NTM: variants seen among roughly 807,000 people sequenced by gnomAD.
NTM encodes the protein IgLON family member 2.
In NTM, 13 loss-of-function variants were observed where a neutral mutation model predicts 42.1. The observed-to-expected ratio is 0.31, with a 90% CI of 0.20 to 0.49. The LOEUF (loss-of-function observed/expected upper bound fraction) is 0.49. Among genes scored for constraint, NTM ranks in the 20% least tolerant of loss-of-function variants. The pLI, the probability that NTM is intolerant of heterozygous loss-of-function variation, is 0.99. For missense variants in NTM, 373 were observed against 452.8 expected (o/e 0.82, Z 1.60); for synonymous variants, 187 against 179.2 (o/e 1.04, Z -0.35).
At chr11:131,854,276 G>A (rs1161047683) in intron 1 of NTM, among the ~76,000 whole-genome samples, 1 of 152,188 alleles carries the variant, frequency 6.6e-6, no homozygotes, top group Non-Finnish European at 1.5e-5. Flanking sequence ...AAAGACATAC[G>A]AGTTTCTTCC....
chr11:132,176,340 A>G (rs1305640784), intron 3 of NTM, among the ~76,000 whole-genome samples: 1 of 147,338 alleles, frequency 6.8e-6, no homozygotes, highest in Non-Finnish European at 1.5e-5. Flanking sequence ...TTATGGATAT[A>G]GAAGCAACTT....
At chr11:131,371,317 A>G (rs528174008) in intron 1 of NTM, among the ~76,000 whole-genome samples, 1 of 152,342 alleles carries the variant, frequency 6.6e-6, no homozygotes, top group African/African-American at 2.4e-5. Context: ...GCGAACTTGC[A>G]AAGCTTTTAA....
At chr11:131,547,120 C>T (rs1231053014) in intron 1 of NTM, among the ~76,000 whole-genome samples, 1 of 152,282 alleles carries the variant, frequency 6.6e-6, no homozygotes, top group East Asian at 1.9e-4. Flanking sequence ...GATGTTATTT[C>T]AGCCATGACC....
At chr11:131,456,009 T>G (rs1387830851) in intron 1 of NTM, among the ~76,000 whole-genome samples, 3 of 152,356 alleles carry the variant, frequency 2.0e-5, no homozygotes. Context: ...TCATTGGCAC[T>G]AGCAAAGTCT....
intron 2 of NTM, among the ~76,000 whole-genome samples, chr11:131,968,793 C>T (rs904817425): frequency 5.3e-5 from 8 of 152,164 alleles, no homozygotes; most frequent in African/African-American, 1.9e-4. Context: ...TCGTATAGAG[C>T]TTTTAGGCAA....
intron 2 of NTM, among the ~76,000 whole-genome samples, chr11:132,090,646 G>A (rs1385569374): frequency 6.6e-6 from 1 of 151,944 alleles, no homozygotes; most frequent in East Asian, 1.9e-4. Flanking sequence ...CTCCTTGAAT[G>A]CCCTACTTTT....
At chr11:132,230,767 T>C (rs1366013572) in intron 4 of NTM, among the ~76,000 whole-genome samples, 3 of 152,128 alleles carry the variant, frequency 2.0e-5, no homozygotes, top group African/African-American at 7.2e-5. Context: ...CGCACACCTG[T>C]AATCCCAGCA....
chr11:132,231,869 A>G (rs2087641778), intron 4 of NTM, among the ~76,000 whole-genome samples: 1 of 151,778 alleles, frequency 6.6e-6, no homozygotes, highest in Admixed American at 6.6e-5. Flanking sequence ...GATATTAAAC[A>G]TCAGCTCTGA....
chr11:132,038,532 G>A (rs12289975), intron 2 of NTM, among the ~76,000 whole-genome samples: 12,667 of 152,226 alleles, frequency 0.083, 716 homozygotes, highest in Admixed American at 0.13. Flanking sequence ...TAAAGAGGGG[G>A]TGAGATTGGA....
chr11:132,177,201 A>T (rs568956073), intron 3 of NTM, among the ~76,000 whole-genome samples: 12 of 152,222 alleles, frequency 7.9e-5, no homozygotes, highest in African/African-American at 2.9e-4. Context: ...TAATTGATTT[A>T]TTAAAGACAT....
At chr11:131,974,397 T>C (rs1162742602) in intron 2 of NTM, among the ~76,000 whole-genome samples, 1 of 152,236 alleles carries the variant, frequency 6.6e-6, no homozygotes, top group Non-Finnish European at 1.5e-5. Flanking sequence ...TTTTGCATTT[T>C]CCTTAGCACC....
intron 1 of NTM, among the ~76,000 whole-genome samples, chr11:131,532,805 C>T (rs988800111): frequency 3.3e-5 from 5 of 152,166 alleles, no homozygotes; most frequent in Admixed American, 2.0e-4. Context: ...TTTTGATTTG[C>T]ATTTCTCTAA....
chr11:132,312,942 C>T (rs1010993159), intron 6 of NTM, among the ~76,000 whole-genome samples: 3 of 152,132 alleles, frequency 2.0e-5, no homozygotes, highest in African/African-American at 7.2e-5. Flanking sequence ...TTGCCCCTAG[C>T]GTTTGGAGAG....
chr11:131,598,707 CTT>C (rs1332428428), intron 1 of NTM, among the ~76,000 whole-genome samples: 1 of 79,710 alleles, frequency 1.3e-5, no homozygotes, highest in African/African-American at 4.3e-5. Flanking sequence ...TTCTTTCTTT[CTT>C]TCTTTCTTTC....
chr11:132,163,138 A>T (rs1226013850), intron 3 of NTM, among the ~76,000 whole-genome samples: 3 of 152,188 alleles, frequency 2.0e-5, no homozygotes, highest in Admixed American at 6.5e-5. Flanking sequence ...TGGCCCAGCC[A>T]CGGGCAAGCA....
intron 2 of NTM, among the ~76,000 whole-genome samples, chr11:132,113,087 G>A (rs1001810010): frequency 4.6e-5 from 7 of 152,212 alleles, no homozygotes; most frequent in East Asian, 3.9e-4. Flanking sequence ...AGCTGGGCCC[G>A]TCCCTCAAAG....
intron 1 of NTM, among the ~76,000 whole-genome samples, chr11:131,495,808 C>A (rs943278479): frequency 6.6e-6 from 1 of 152,234 alleles, no homozygotes; most frequent in Non-Finnish European, 1.5e-5. Context: ...CTTGCTCTTG[C>A]TCCCAGCCAA....
intron 2 of NTM, among the ~76,000 whole-genome samples, chr11:132,111,468 T>C (rs2136753019): frequency 6.6e-6 from 1 of 152,232 alleles, no homozygotes; most frequent in Admixed American, 6.5e-5. Context: ...TCATAAGCCT[T>C]CATACAGCTT....
At chr11:132,208,438 C>G (rs898957560) in intron 3 of NTM, among the ~76,000 whole-genome samples, 2 of 152,218 alleles carry the variant, frequency 1.3e-5, no homozygotes, top group African/African-American at 4.8e-5. Context: ...AAACTGTATT[C>G]TTAGGCAGAA....
Sources: allele counts gnomAD v4.1 joint callset (sites outside exome capture counted in the v4.1 genomes callset), GRCh38; gene constraint gnomAD v4.1.1; transcripts MANE v1.5; gene names NCBI Gene and HGNC (gene_info 2026-07-23, HGNC 2026-07-21).